HERPUD2: variants seen among roughly 807,000 people sequenced by gnomAD.
HERPUD2 encodes the protein HERPUD family member 2.
HERPUD2 carries 13 observed loss-of-function variants against 49.9 expected under a neutral mutation model. That is an observed-to-expected ratio of 0.26 (90% CI 0.17 to 0.41). The LOEUF is 0.41. HERPUD2 is among the 10% of genes least tolerant of loss of function. HERPUD2 has a pLI of 1.00. For synonymous variants in HERPUD2, 172 were observed against 171.4 expected (o/e 1.00, Z -0.03); for missense variants, 449 against 492.2 (o/e 0.91, Z 0.83).
At chr7:35,668,283 G>A (rs984576439) in intron 4 of HERPUD2, among the ~76,000 whole-genome samples, 5 of 152,028 alleles carry the variant, frequency 3.3e-5, no homozygotes, top group African/African-American at 4.8e-5. Context: ...AATGAACTAC[G>A]AGAATCAAGA....
At chr7:35,641,487 T>C (rs929210199) in intron 5 of HERPUD2, among the ~76,000 whole-genome samples, 2 of 152,124 alleles carry the variant, frequency 1.3e-5, no homozygotes, top group Admixed American at 6.5e-5. Flanking sequence ...AAAATCCTTA[T>C]GGAACCAAAA....
chr7:35,688,276 T>C (rs1181883955), intron 2 of HERPUD2, among the ~76,000 whole-genome samples: 2 of 152,144 alleles, frequency 1.3e-5, no homozygotes, highest in African/African-American at 2.4e-5. Context: ...AGAAACACTA[T>C]AAATAGAGGC....
chr7:35,672,891 C>T (rs565803564), intron 3 of HERPUD2, among the ~76,000 whole-genome samples: 2 of 151,656 alleles, frequency 1.3e-5, no homozygotes, highest in African/African-American at 4.9e-5. Flanking sequence ...AATGAAAATC[C>T]GTCACCACTA....
At chr7:35,646,540 C>T (rs1303872942) in intron 5 of HERPUD2, among the ~76,000 whole-genome samples, 2 of 152,050 alleles carry the variant, frequency 1.3e-5, no homozygotes, top group East Asian at 1.9e-4. Context: ...CCAGCCTCAT[C>T]GACAGAGTGA....
chr7:35,694,706 A>G, intron 1 of HERPUD2, 79 bp from the exon 2 acceptor site: 1 of 233,660 alleles, frequency 4.3e-6, no homozygotes, highest in East Asian at 9.2e-5. Context: ...GCGACCCCCA[A>G]GCTGGAACGC....
At chr7:35,635,040 C>T (rs1414224220) in intron 7 of HERPUD2, 95 bp downstream of exon 7, 3 of 856,806 alleles carry the variant, frequency 3.5e-6, no homozygotes, top group Non-Finnish European at 5.4e-6. Context: ...ATTCATATTC[C>T]TTCACTCAAC....
chr7:35,656,763 A>G lies in HERPUD2; in HGVS notation c.494+10671T>C, dbSNP rs73340309. ...GGTGTCAAGAACATACACTGGGGAA[A>G]GAACACCCTCCCTTCGATAAATGGT... On this transcript the variant is annotated intron_variant, in intron 5 of 8. Transcript: ENST00000311350. Among the ~76,000 whole-genome samples, 940 of 152,326 alleles carry G rather than the reference A, an allele frequency of 6.2e-3. 9 individuals are homozygous for G. Among genetic ancestry groups the G allele is most frequent in the African/African-American group, 0.019 (789 of 41,564 alleles).
chr7:35,663,396 G>A (rs1016231097), intron 5 of HERPUD2, among the ~76,000 whole-genome samples: 2 of 152,190 alleles, frequency 1.3e-5, no homozygotes, highest in Non-Finnish European at 2.9e-5. Context: ...GGAGTGGAGA[G>A]TTCTGCAGGT....
rs1407693773 is a variant in HERPUD2, at chr7:35,695,104, T to G, written c.-601A>C. 6.6e-6 allele frequency: 1 copy of G among 152,428 alleles called. No individual in the cohort carries two copies. The highest frequency in any genetic ancestry group is 1.5e-5 in the Non-Finnish European group (1 of 68,228). The allele number at this position is 152,428 out of a possible 1,614,324, so 9.4% of individuals were successfully genotyped here. ...GCAGGAGGGCGGGGACGAGAGCCGT[T>G]GCGCCACCGCTGGCGCGCCGGTTTT... On this transcript the variant is annotated 5_prime_UTR_variant, in exon 1 of 9. Transcript: ENST00000311350.
intron 5 of HERPUD2, among the ~76,000 whole-genome samples, chr7:35,644,901 T>C (rs4142249): frequency 0.075 from 11,392 of 152,244 alleles, 601 homozygotes; most frequent in South Asian, 0.21. Context: ...CTAGATGATA[T>C]TGAAGATTTT....
At chr7:35,633,991 T>C in intron 8 of HERPUD2, 140 bp from the exon 9 acceptor site, 1 of 791,716 alleles carries the variant, frequency 1.3e-6, no homozygotes, top group African/African-American at 1.7e-5. Context: ...AAGGCCAAAA[T>C]TGATAAATTC....
At position 35,667,493 on chromosome 7, in the gene HERPUD2, G is replaced by T. The variant is rs748147428; in HGVS notation, c.435C>A (p.Thr145=). ...CTTGGTCAGTTTGTGCTTGTGGAAG[G>T]GTACGCTGCCTCAATCCTTCTGAGG... is the stretch of plus-strand genomic sequence containing the variant. ...GSSSEGLRQR[T]LPQAQTDQAQ... is the part of the protein sequence containing the mutation. Residue 145 remains threonine (T), a synonymous_variant, in exon 5 of 9, where the codon ACC becomes ACA. Coordinates refer to ENST00000311350, the MANE Select transcript of HERPUD2 (RefSeq NM_022373.5). 1 of 1,613,864 alleles carries T rather than the reference G, an allele frequency of 6.2e-7. No homozygotes were observed. Among genetic ancestry groups the T allele is most frequent in the South Asian group, 1.1e-5 (1 of 91,054 alleles).
chr7:35,641,097 T>C (rs1784961325), intron 5 of HERPUD2, among the ~76,000 whole-genome samples: 1 of 152,222 alleles, frequency 6.6e-6, no homozygotes, highest in Non-Finnish European at 1.5e-5. Context: ...AAATTGTAGT[T>C]AATATGTTTT....
chr7:35,648,443 G>A (rs898972331), intron 5 of HERPUD2, among the ~76,000 whole-genome samples: 1 of 152,160 alleles, frequency 6.6e-6, no homozygotes, highest in African/African-American at 2.4e-5. Flanking sequence ...CATGATGGGA[G>A]TATTTACACC....
Position 35,694,317 on chromosome 7 carries a change from C to G in HERPUD2, c.14G>C (p.Gly5Ala), listed in dbSNP as rs772177134. The change falls in exon 2 of 9, where the codon GGG becomes GCG. Residue 5 changes from glycine to alanine, a missense_variant. Gly to Ala is a moderately conservative substitution (Grantham distance 60). Transcript: ENST00000311350. ...GATGAGGGTCACAGGAATCTCCATC[C>G]CACTTTGGTCCATGGTGCCCCCAAA... is the stretch of plus-strand genomic sequence containing the variant. Reference protein sequence around the residue: MDQSGMEIPVTLIIK... With the variant: MDQSAMEIPVTLIIK... 6.2e-7 allele frequency: 1 copy of G among 1,614,142 alleles called. No homozygotes were observed. Among genetic ancestry groups the G allele is most frequent in the Non-Finnish European group, 8.5e-7 (1 of 1,180,016 alleles).
At chr7:35,691,975 G>C (rs1786200383) in intron 2 of HERPUD2, among the ~76,000 whole-genome samples, 1 of 152,126 alleles carries the variant, frequency 6.6e-6, no homozygotes, top group Non-Finnish European at 1.5e-5. Context: ...CACCGCTCCA[G>C]AGCTCCACCC....
At chr7:35,661,277 T>A (rs1372898661) in intron 5 of HERPUD2, among the ~76,000 whole-genome samples, 6 of 152,246 alleles carry the variant, frequency 3.9e-5, no homozygotes. Context: ...TTTTGGTTAC[T>A]GTAGCCTTGT....
At chr7:35,657,870 C>T (rs1377329490) in intron 5 of HERPUD2, among the ~76,000 whole-genome samples, 2 of 148,800 alleles carry the variant, frequency 1.3e-5, no homozygotes, top group African/African-American at 5.0e-5. Context: ...TGCAGTGAGC[C>T]GAGATCGCGC....
chr7:35,666,872 T>C (rs1441642479), intron 5 of HERPUD2, among the ~76,000 whole-genome samples: 1 of 152,248 alleles, frequency 6.6e-6, no homozygotes, highest in Admixed American at 6.5e-5. Flanking sequence ...AGCATATCCC[T>C]GTAATACATC....
Sources: gnomAD v4.1 joint callset for allele counts (sites outside exome capture counted in the v4.1 genomes callset) on GRCh38, gnomAD v4.1.1 for gene constraint, MANE v1.5 for transcripts, NCBI Gene and HGNC (gene_info 2026-07-23, HGNC 2026-07-21) for gene names.